CALN1: variants seen among roughly 807,000 people sequenced by gnomAD.
CALN1 encodes the protein calneuron 1.
Under a neutral mutation model 30.6 loss-of-function variants are expected in CALN1, and 17 were observed. The ratio of observed to expected loss-of-function variants is 0.56; its 90% CI spans 0.38 to 0.83. CALN1 has a LOEUF of 0.83. Ranked by LOEUF, CALN1 falls within the 40% of genes least tolerant of loss-of-function variation. CALN1 has a pLI of 0.00. For missense variants in CALN1, 291 were observed against 354.9 expected, an observed-to-expected ratio of 0.82 and a Z score of 1.45; for synonymous variants, 156 against 131.4, an observed-to-expected ratio of 1.19 and a Z score of -1.28.
chr7:71,855,952 T>C (rs1010268347), intron 5 of CALN1, among the ~76,000 whole-genome samples: 2 of 152,158 alleles, frequency 1.3e-5, no homozygotes. Flanking sequence ...TCAACTGATA[T>C]TATGTCTGTG....
chr7:72,093,788 T>C (rs1806033521), intron 4 of CALN1, among the ~76,000 whole-genome samples: 1 of 152,192 alleles, frequency 6.6e-6, no homozygotes, highest in East Asian at 1.9e-4. Context: ...GCAGGGAAGA[T>C]GCCAAATTTA....
upstream of CALN1, among the ~76,000 whole-genome samples, chr7:72,413,470 C>T (rs550256237): frequency 3.6e-4 from 54 of 152,048 alleles, no homozygotes; most frequent in East Asian, 8.5e-3. Flanking sequence ...CACGTGCATA[C>T]TCATACCACA....
chr7:71,879,131 G>T (rs1792422102), intron 5 of CALN1, among the ~76,000 whole-genome samples: 1 of 152,182 alleles, frequency 6.6e-6, no homozygotes, highest in Non-Finnish European at 1.5e-5. Context: ...GACATGGACA[G>T]ACAAAAACAG....
At chr7:71,947,020 T>G (rs948558947) in intron 5 of CALN1, among the ~76,000 whole-genome samples, 19 of 152,204 alleles carry the variant, frequency 1.2e-4, no homozygotes, top group African/African-American at 4.6e-4. Flanking sequence ...TGTTGTTGTT[T>G]GTTTTTTTGA....
At chr7:72,122,760 C>A (rs545279682) in intron 3 of CALN1, among the ~76,000 whole-genome samples, 1 of 152,246 alleles carries the variant, frequency 6.6e-6, no homozygotes, top group South Asian at 2.1e-4. Flanking sequence ...CTAAGTTTAT[C>A]TTCGGATCAT....
At chr7:72,046,412 T>A (rs1366535966) in intron 4 of CALN1, among the ~76,000 whole-genome samples, 1 of 151,880 alleles carries the variant, frequency 6.6e-6, no homozygotes, top group South Asian at 2.1e-4. Context: ...AATTCATTTT[T>A]TAATTTTTTT....
At chr7:72,487,882 AAG>A in the CALN1 span, among the ~76,000 whole-genome samples, 1 of 64,994 alleles carries the variant, frequency 1.5e-5, no homozygotes, top group Non-Finnish European at 2.8e-5. Context: ...GAAAGAAAGA[AAG>A]AAAAGAAAAG....
chr7:72,024,703 C>T (rs1477044899), intron 4 of CALN1, among the ~76,000 whole-genome samples: 1 of 151,998 alleles, frequency 6.6e-6, no homozygotes, highest in East Asian at 1.9e-4. Flanking sequence ...CCGGCCTGAA[C>T]AGCACCTTTG....
At chr7:72,035,279 C>A (rs1273556674) in intron 4 of CALN1, among the ~76,000 whole-genome samples, 7 of 152,114 alleles carry the variant, frequency 4.6e-5, no homozygotes, top group Admixed American at 4.6e-4. Flanking sequence ...GCTCCTCATT[C>A]CCCCTACCCT....
chr7:72,496,654 C>G, the CALN1 span, among the ~76,000 whole-genome samples: 2 of 152,070 alleles, frequency 1.3e-5, no homozygotes, highest in Non-Finnish European at 1.5e-5. Context: ...TTTGGGACAC[C>G]GAAATGAGAG....
chr7:72,131,631 T>C (rs1397923606), intron 3 of CALN1, among the ~76,000 whole-genome samples: 1 of 152,188 alleles, frequency 6.6e-6, no homozygotes, highest in Non-Finnish European at 1.5e-5. Flanking sequence ...GACCTAACAT[T>C]GTTCACACTC....
At chr7:72,192,616 C>A (rs1322852224) in intron 3 of CALN1, among the ~76,000 whole-genome samples, 1 of 148,932 alleles carries the variant, frequency 6.7e-6, no homozygotes, top group Non-Finnish European at 1.5e-5. Context: ...ATTGGGAGAT[C>A]CCATTTCTTT....
chr7:72,046,864 C>T (rs538817952), intron 4 of CALN1, among the ~76,000 whole-genome samples: 1 of 151,814 alleles, frequency 6.6e-6, no homozygotes, highest in South Asian at 2.1e-4. Flanking sequence ...CCTATCTCTA[C>T]AAGAAATACA....
chr7:72,167,590 C>T (rs1450816274), intron 3 of CALN1, among the ~76,000 whole-genome samples: 1 of 152,186 alleles, frequency 6.6e-6, no homozygotes, highest in Non-Finnish European at 1.5e-5. Context: ...AGTGATCCAC[C>T]CTCCTCAGCC....
rs1305576740 is a variant in CALN1 at position 72,271,564 on chromosome 7, T to TAAAA, written c.244+7118_244+7121dup. ...AGCATGAACCACTGTGCCTGCCTTT[T>TAAAA]AAAAAAAAAAAATATATATATATAT... On this transcript the variant is annotated intron_variant, in intron 3 of 6. Transcript: ENST00000395275. Among the ~76,000 whole-genome samples, 176 of 64,312 alleles carry TAAAA rather than the reference T, an allele frequency of 2.7e-3. 4 individuals are homozygous for TAAAA. The highest frequency in any genetic ancestry group is 4.6e-3 in the South Asian group (6 of 1,312). The allele number at this position is 64,312 out of a possible 152,430, so 42.2% of individuals were successfully genotyped here. A position where few individuals can be genotyped will look rare whatever the true frequency, so the allele number is the denominator to read the frequency against.
chr7:72,228,283 C>T (rs946528697), intron 3 of CALN1, among the ~76,000 whole-genome samples: 4 of 151,570 alleles, frequency 2.6e-5, no homozygotes, highest in African/African-American at 9.7e-5. Context: ...ACATTCTGTC[C>T]TCTGCTTGCC....
At chr7:71,815,060 C>T (rs1334713223) in intron 5 of CALN1, among the ~76,000 whole-genome samples, 1 of 152,050 alleles carries the variant, frequency 6.6e-6, no homozygotes, top group Non-Finnish European at 1.5e-5. Flanking sequence ...GTCTGGATCT[C>T]CTGACCCTGT....
intron 2 of CALN1, among the ~76,000 whole-genome samples, chr7:72,386,603 G>A (rs888443040): frequency 2.0e-5 from 3 of 152,108 alleles, no homozygotes; most frequent in African/African-American, 7.2e-5. Flanking sequence ...TATAATAATA[G>A]CTTACAGTTG....
intron 5 of CALN1, among the ~76,000 whole-genome samples, chr7:72,008,995 C>T (rs939836156): frequency 5.3e-5 from 8 of 152,012 alleles, no homozygotes; most frequent in African/African-American, 1.4e-4. Flanking sequence ...TAAGTAAATG[C>T]TAATAAACTA....
Sources: allele counts gnomAD v4.1 joint callset (sites outside exome capture counted in the v4.1 genomes callset), GRCh38; gene constraint gnomAD v4.1.1; transcripts MANE v1.5; gene names NCBI Gene and HGNC (gene_info 2026-07-23, HGNC 2026-07-21).